The following HIBADH variants were observed in gnomAD, a reference collection of about 807,000 sequenced individuals.
HIBADH encodes the protein 3-hydroxyisobutyrate dehydrogenase, mitochondrial.
Under a neutral mutation model 36.1 loss-of-function variants are expected in HIBADH, and 25 were observed. That is an observed-to-expected ratio of 0.69 (90% CI 0.50 to 0.97). The LOEUF (loss-of-function observed/expected upper bound fraction) is 0.97. Among genes scored for constraint, HIBADH ranks in the 50% least tolerant of loss-of-function variants. HIBADH has a pLI of 0.00. For synonymous variants in HIBADH, 160 were observed against 149.5 expected, an observed-to-expected ratio of 1.07 and a Z score of -0.51; for missense variants, 421 against 418.0, an observed-to-expected ratio of 1.01 and a Z score of -0.06.
intron 4 of HIBADH, among the ~76,000 whole-genome samples, chr7:27,545,072 C>T (rs1438391556): frequency 6.6e-6 from 1 of 152,144 alleles, no homozygotes; most frequent in Non-Finnish European, 1.5e-5. Context: ...TTTTGACATT[C>T]CTTGGAACCA....
chr7:27,543,193 C>T, intron 4 of HIBADH, 93 bp from the exon 5 acceptor site: 1 of 1,274,202 alleles, frequency 7.8e-7, no homozygotes, highest in South Asian at 1.4e-5. Context: ...CAACTAAAAA[C>T]ATCCTGCCTC....
chr7:27,596,408 G>T (rs2128289660), intron 4 of HIBADH, among the ~76,000 whole-genome samples: 1 of 152,260 alleles, frequency 6.6e-6, no homozygotes, highest in East Asian at 1.9e-4. Flanking sequence ...CATGAATTCT[G>T]GGGGATACAT....
intron 4 of HIBADH, among the ~76,000 whole-genome samples, chr7:27,549,805 T>C (rs1313943466): frequency 6.6e-6 from 1 of 152,232 alleles, no homozygotes; most frequent in Non-Finnish European, 1.5e-5. Context: ...TTTGGGCAGT[T>C]TTATTTGATA....
At chr7:27,568,109 T>G (rs572972573) in intron 4 of HIBADH, among the ~76,000 whole-genome samples, 1 of 149,252 alleles carries the variant, frequency 6.7e-6, no homozygotes, top group South Asian at 2.2e-4. Context: ...ATACTGTATT[T>G]ATCCAAATGC....
intron 2 of HIBADH, among the ~76,000 whole-genome samples, chr7:27,634,173 G>T (rs1430254129): frequency 2.6e-5 from 4 of 151,980 alleles, no homozygotes; most frequent in South Asian, 2.1e-4. Flanking sequence ...GCTAGGAAAT[G>T]ATATTATAAA....
At chr7:27,556,279 C>T (rs1784387666) in intron 4 of HIBADH, among the ~76,000 whole-genome samples, 1 of 152,122 alleles carries the variant, frequency 6.6e-6, no homozygotes, top group Non-Finnish European at 1.5e-5. Flanking sequence ...AACTGCCTAT[C>T]ATGTTTCTTT....
intron 4 of HIBADH, among the ~76,000 whole-genome samples, chr7:27,594,060 A>T (rs1050271387): frequency 2.7e-5 from 4 of 150,766 alleles, no homozygotes; most frequent in Non-Finnish European, 5.9e-5. Context: ...AAATAAATAA[A>T]ATAATACCAG....
chr7:27,574,042 T>C (rs912560449), intron 4 of HIBADH, among the ~76,000 whole-genome samples: 2 of 152,172 alleles, frequency 1.3e-5, no homozygotes, highest in African/African-American at 2.4e-5. Flanking sequence ...AAACTGAAAT[T>C]GTAATATACT....
chr7:27,582,322 T>C (rs1361672562), intron 4 of HIBADH, among the ~76,000 whole-genome samples: 1 of 152,184 alleles, frequency 6.6e-6, no homozygotes, highest in African/African-American at 2.4e-5. Flanking sequence ...ATATATTTCA[T>C]TGCAGAAATT....
intron 4 of HIBADH, among the ~76,000 whole-genome samples, chr7:27,610,805 T>G (rs1190080346): frequency 6.6e-6 from 1 of 152,216 alleles, no homozygotes; most frequent in Non-Finnish European, 1.5e-5. Context: ...AAAAGACCCT[T>G]AACTATAATA....
chr7:27,657,406 T>C (rs937758903), intron 1 of HIBADH, among the ~76,000 whole-genome samples: 1 of 152,114 alleles, frequency 6.6e-6, no homozygotes, highest in Non-Finnish European at 1.5e-5. Flanking sequence ...GTGATGAGCA[T>C]TATGTAACAG....
intron 4 of HIBADH, among the ~76,000 whole-genome samples, chr7:27,621,149 A>T (rs769512763): frequency 7.2e-5 from 11 of 152,208 alleles, no homozygotes; most frequent in Non-Finnish European, 1.6e-4. Context: ...GCATTAAATA[A>T]TGAAAAAGGA....
At chr7:27,606,858 C>CA (rs1203303796) in intron 4 of HIBADH, among the ~76,000 whole-genome samples, 5 of 152,074 alleles carry the variant, frequency 3.3e-5, no homozygotes, top group African/African-American at 9.7e-5. Flanking sequence ...GTTACAATTC[C>CA]AAAAAGTTAA....
At chr7:27,661,987 T>C (rs543475841) in intron 1 of HIBADH, among the ~76,000 whole-genome samples, 19 of 152,286 alleles carry the variant, frequency 1.2e-4, no homozygotes, top group African/African-American at 4.3e-4. Context: ...AACTGCCTCT[T>C]TGTAAGTTCA....
rs566402376 is a variant in HIBADH at position 27,567,883 on chromosome 7, T to C, written c.485-24783A>G. ...CCTTACGATTTTTTTTGACTTTACA[T>C]TGGTACAAAAGCCATATGCATTCAG... On this transcript the variant is annotated intron_variant, in intron 4 of 7. Transcript: ENST00000265395. 1.1e-4 allele frequency among the ~76,000 whole-genome samples: 16 copies of C among 152,314 alleles called. 2 individuals are homozygous for C. In the South Asian group the frequency reaches 3.3e-3, roughly 32 times the overall value.
At chr7:27,582,441 G>C (rs1784807263) in intron 4 of HIBADH, among the ~76,000 whole-genome samples, 1 of 152,076 alleles carries the variant, frequency 6.6e-6, no homozygotes, top group South Asian at 2.1e-4. Context: ...AAACTCACAT[G>C]ACTCCAAGAG....
chr7:27,653,541 G>C (rs6944610), intron 1 of HIBADH, among the ~76,000 whole-genome samples: 115,155 of 151,962 alleles, frequency 0.76, 44,067 homozygotes, highest in East Asian at 0.94. Context: ...CGAGACCATC[G>C]TGGCTAACAT....
intron 4 of HIBADH, among the ~76,000 whole-genome samples, chr7:27,570,984 T>C (rs1253916334): frequency 6.6e-6 from 1 of 152,170 alleles, no homozygotes; most frequent in Non-Finnish European, 1.5e-5. Flanking sequence ...TCCAATTAGA[T>C]GCATGCATAA....
intron 2 of HIBADH, among the ~76,000 whole-genome samples, chr7:27,643,175 A>G (rs574103711): frequency 6.6e-6 from 1 of 152,206 alleles, no homozygotes; most frequent in Non-Finnish European, 1.5e-5. Flanking sequence ...GCACATAGAA[A>G]GTTCTCGAGA....
Sources: allele counts gnomAD v4.1 joint callset (sites outside exome capture counted in the v4.1 genomes callset), GRCh38; gene constraint gnomAD v4.1.1; transcripts MANE v1.5; gene names NCBI Gene and HGNC (gene_info 2026-07-23, HGNC 2026-07-21).